STIL: variants seen among roughly 807,000 people sequenced by gnomAD.
The protein encoded by STIL is STIL centriolar assembly protein.
Under a neutral mutation model 110.1 loss-of-function variants are expected in STIL, and 55 were observed. The observed-to-expected ratio is 0.50, with a 90% CI of 0.40 to 0.63. The LOEUF (loss-of-function observed/expected upper bound fraction) is 0.63, where lower values mean the gene tolerates loss of function less well. Among genes scored for constraint, STIL ranks in the 20% least tolerant of loss-of-function variants. The probability of loss-of-function intolerance (pLI) is 0.00; values close to 1 mark genes in which losing one functional copy is unlikely to be tolerated. For synonymous variants in STIL, 481 were observed against 530.0 expected, an observed-to-expected ratio of 0.91 and a Z score of 1.27; for missense variants, 1,358 against 1,530.0, an observed-to-expected ratio of 0.89 and a Z score of 1.87.
At chr1:47,265,252 A>AAAAAAAAC (rs1644610893) in intron 14 of STIL, among the ~76,000 whole-genome samples, 2 of 150,488 alleles carry the variant, frequency 1.3e-5, no homozygotes, top group Non-Finnish European at 3.0e-5. Flanking sequence ...AAAAAAAAAA[A>AAAAAAAAC]AAAAAAAACA....
chr1:47,290,203 A>G (rs1010820394), intron 8 of STIL, among the ~76,000 whole-genome samples: 1 of 152,236 alleles, frequency 6.6e-6, no homozygotes, highest in Non-Finnish European at 1.5e-5. Flanking sequence ...TTCAGTAAAT[A>G]CACCTGGAGT....
At chr1:47,267,231 T>C (rs1354567875) in intron 14 of STIL, among the ~76,000 whole-genome samples, 1 of 152,208 alleles carries the variant, frequency 6.6e-6, no homozygotes, top group Non-Finnish European at 1.5e-5. Flanking sequence ...CACTCTAGTT[T>C]ACTTTTTCAG....
At chr1:47,274,107 C>A (rs915961436) in intron 12 of STIL, among the ~76,000 whole-genome samples, 3 of 152,224 alleles carry the variant, frequency 2.0e-5, no homozygotes, top group Non-Finnish European at 1.5e-5. Flanking sequence ...CACACACACA[C>A]ACACTCATTT....
rs1204450571 is a variant in STIL at position 47,250,902 on chromosome 1, TG to T, written c.*233del. The T allele has an allele frequency of 2.0e-6, 1 of 504,572 alleles. No homozygotes were observed. Among genetic ancestry groups the T allele is most frequent in the Non-Finnish European group, 3.5e-6 (1 of 286,108 alleles). The allele number at this position is 504,572 out of a possible 1,614,324, so 31.3% of individuals were successfully genotyped here. ...TACTACTTAAACTTGTAGGAATAAC[TG>T]ATCTCAGGGCTTTTCTTAAAGGTTT... On this transcript the variant is annotated 3_prime_UTR_variant, in exon 17 of 17. Coordinates refer to ENST00000371877, the MANE Select transcript of STIL (RefSeq NM_001048166.1).
At chr1:47,279,763 C>G (rs1178847800) in intron 12 of STIL, among the ~76,000 whole-genome samples, 1 of 146,300 alleles carries the variant, frequency 6.8e-6, no homozygotes, top group Non-Finnish European at 1.5e-5. Context: ...AAACTAAGAA[C>G]TCTGCAACAG....
chr1:47,296,774 A>G (rs1197145176), intron 6 of STIL, among the ~76,000 whole-genome samples: 1 of 152,174 alleles, frequency 6.6e-6, no homozygotes, highest in African/African-American at 2.4e-5. Flanking sequence ...AGATTGCACC[A>G]CTGCACTTCA....
At chr1:47,294,639 T>C (rs1645590127) in intron 7 of STIL, among the ~76,000 whole-genome samples, 1 of 152,200 alleles carries the variant, frequency 6.6e-6, no homozygotes, top group Admixed American at 6.5e-5. Flanking sequence ...GAGCCATGAT[T>C]GTGCCACTGC....
intron 15 of STIL, among the ~76,000 whole-genome samples, chr1:47,261,144 T>C (rs1179732569): frequency 6.6e-6 from 1 of 152,170 alleles, no homozygotes; most frequent in South Asian, 2.1e-4. Flanking sequence ...TCCCAGCACT[T>C]TGGGAGGCCA....
intron 14 of STIL, among the ~76,000 whole-genome samples, chr1:47,263,603 A>G (rs184435845): frequency 2.6e-5 from 4 of 152,238 alleles, no homozygotes; most frequent in Admixed American, 2.6e-4. Context: ...AAACCATGGT[A>G]CCTTTTAACT....
chr1:47,307,738 G>A (rs1187917163), intron 2 of STIL, among the ~76,000 whole-genome samples: 1 of 152,152 alleles, frequency 6.6e-6, no homozygotes, highest in African/African-American at 2.4e-5. Context: ...GGTGAGCCAG[G>A]CAGAACAGAG....
At chr1:47,283,157 G>C (rs753199744) in intron 10 of STIL, 2 of 152,140 alleles carry the variant, frequency 1.3e-5, no homozygotes, top group Non-Finnish European at 2.9e-5. Flanking sequence ...ACAGCGCTCA[G>C]GATTAATGGG....
intron 2 of STIL, among the ~76,000 whole-genome samples, chr1:47,305,655 T>C (rs1307739756): frequency 6.7e-6 from 1 of 149,968 alleles, no homozygotes; most frequent in Non-Finnish European, 1.5e-5. Context: ...CCTGATCTGC[T>C]GACCTCATGA....
intron 14 of STIL, among the ~76,000 whole-genome samples, chr1:47,268,712 C>T (rs1018939021): frequency 8.6e-5 from 13 of 150,986 alleles, no homozygotes; most frequent in African/African-American, 2.7e-4. Context: ...GAGTCAAGAT[C>T]GCACCATTGC....
chr1:47,251,215 A>G lies in STIL; in HGVS notation c.3788T>C (p.Leu1263Pro). ...TGAATTCATGCTATTCATCTGCTTT[A>G]GCGTTTCAGAAGGTTGCAAACTTTC... ...FPESLQPSET[L>P]KQMNSMNSVG... The change falls in exon 17 of 17, where the codon CTA becomes CCA. Residue 1263 changes from leucine to proline, a missense_variant. Coordinates refer to ENST00000371877, the MANE Select transcript of STIL (RefSeq NM_001048166.1). The G allele has an allele frequency of 6.2e-7, 1 of 1,612,336 alleles. No homozygotes were observed. The highest frequency in any genetic ancestry group is 2.2e-5 in the East Asian group (1 of 44,870).
Position 47,311,281 on chromosome 1 carries a change from T to TC in STIL, c.-43-920_-43-919insG, listed in dbSNP as rs1298453171. 4.8e-5 allele frequency among the ~76,000 whole-genome samples: 7 copies of TC among 145,374 alleles called. 1 individual carries two copies. Among genetic ancestry groups the TC allele is most frequent in the African/African-American group, 8.2e-5 (3 of 36,764 alleles). On this transcript the variant is annotated intron_variant, in intron 1 of 16. Transcript: ENST00000371877. ...TTCAAATCCATTTTCTTTTCTTTTTTTCTTTTTTTTTTTTTTTTGAAACAG... is the reference window on the plus strand; with the variant it reads ...TTCAAATCCATTTTCTTTTCTTTTTTCTCTTTTTTTTTTTTTTTTGAAACAG...
At chr1:47,311,275 C>CTTTTTT (rs60248293) in intron 1 of STIL, among the ~76,000 whole-genome samples, 1 of 144,050 alleles carries the variant, frequency 6.9e-6, no homozygotes, top group African/African-American at 2.8e-5. Flanking sequence ...ATTTTCTTTT[C>CTTTTTT]TTTTTTTCTT....
intron 10 of STIL, 78 bp downstream of exon 10, chr1:47,287,473 T>A (rs1259765107): frequency 1.1e-6 from 1 of 887,476 alleles, no homozygotes; most frequent in Admixed American, 2.7e-5. Context: ...CAGAAATAAT[T>A]TAGTTATTTT....
intron 3 of STIL, among the ~76,000 whole-genome samples, chr1:47,302,554 T>A (rs1390492844): frequency 6.6e-6 from 1 of 152,232 alleles, no homozygotes; most frequent in African/African-American, 2.4e-5. Flanking sequence ...CTATAGTTGT[T>A]CTCCAGGCAT....
rs144219237 is a variant in STIL at position 47,269,699 on chromosome 1, G to A, written c.2551C>T (p.Pro851Ser). ...SASSLKAVDIPSFEESNIAVE... is the reference protein window; with the variant it reads ...SASSLKAVDISSFEESNIAVE... ...GCAATGTTGCTCTCTTCAAAACTGGGAATATCAACTGCTTTTAATGAAGAT... is the reference window on the plus strand; with the variant it reads ...GCAATGTTGCTCTCTTCAAAACTGGAAATATCAACTGCTTTTAATGAAGAT... The change falls in exon 14 of 17, where the codon CCC becomes TCC. Residue 851 changes from proline to serine, a missense_variant. By Grantham distance (74) the Pro-to-Ser change is moderately conservative. Transcript: ENST00000371877. 20 of 1,614,016 alleles carry A rather than the reference G, an allele frequency of 1.2e-5. No homozygotes were observed. The highest frequency in any genetic ancestry group is 2.7e-5 in the African/African-American group (2 of 74,912).
Sources: allele counts gnomAD v4.1 joint callset (sites outside exome capture counted in the v4.1 genomes callset), GRCh38; gene constraint gnomAD v4.1.1; transcripts MANE v1.5; gene names NCBI Gene and HGNC (gene_info 2026-07-23, HGNC 2026-07-21).